The following CNGA1 variants were observed in gnomAD, a reference collection of about 807,000 sequenced individuals.
The protein encoded by CNGA1 is cyclic nucleotide-gated channel alpha-1.
Under a neutral mutation model 69.7 loss-of-function variants are expected in CNGA1, and 53 were observed. The ratio of observed to expected loss-of-function variants is 0.76; its 90% confidence interval spans 0.61 to 0.96. CNGA1 has a LOEUF of 0.96. Ranked by LOEUF, CNGA1 falls within the 40% of genes least tolerant of loss-of-function variation. CNGA1 has a pLI of 0.00. For synonymous variants in CNGA1, 249 were observed against 283.5 expected (o/e 0.88, Z 1.22); for missense variants, 739 against 811.2 (o/e 0.91, Z 1.08).
At chr4:47,994,579 CT>C (rs1240062393) in intron 2 of CNGA1, among the ~76,000 whole-genome samples, 1 of 152,048 alleles carries the variant, frequency 6.6e-6, no homozygotes, top group African/African-American at 2.4e-5. Flanking sequence ...TTAGGTGAGT[CT>C]CCTGAAGGCA....
At chr4:47,956,350 G>A (rs1479090046) in intron 3 of CNGA1, among the ~76,000 whole-genome samples, 1 of 152,232 alleles carries the variant, frequency 6.6e-6, no homozygotes, top group Non-Finnish European at 1.5e-5. Flanking sequence ...TAGGGTGACT[G>A]TTGTGCCAGG....
chr4:47,949,976 A>T, intron 5 of CNGA1, 81 bp from the exon 6 acceptor site: 1 of 1,229,200 alleles, frequency 8.1e-7, no homozygotes, highest in Non-Finnish European at 1.2e-6. Flanking sequence ...GTCTGAAAAA[A>T]CAAATTCTTC....
In CNGA1 at chr4:47,963,355, A is replaced by T. The variant is rs186168525; in HGVS notation, c.-14-10652T>A. 4.6e-5 allele frequency among the ~76,000 whole-genome samples: 7 copies of T among 152,360 alleles called. No homozygotes were observed. In the East Asian group the frequency reaches 1.3e-3, roughly 29 times the overall value. ...GAATCATAGAAACCTAGAAGCAGTT[A>T]TAATTTCAAATGTCACTTGAGCCAA... On this transcript the variant is annotated intron_variant, in intron 3 of 10. Transcript: ENST00000514170.
At chr4:47,969,842 T>G (rs577679662) in intron 3 of CNGA1, among the ~76,000 whole-genome samples, 1 of 152,346 alleles carries the variant, frequency 6.6e-6, no homozygotes, top group African/African-American at 2.4e-5. Flanking sequence ...CCATTCTTGC[T>G]TCTTGAGACA....
intron 3 of CNGA1, among the ~76,000 whole-genome samples, chr4:47,967,900 C>T (rs892604336): frequency 6.6e-6 from 1 of 152,052 alleles, no homozygotes; most frequent in Admixed American, 6.5e-5. Flanking sequence ...ATCACTTGAA[C>T]CGGGGAGGTG....
At chr4:47,956,523 G>A (rs1370599398) in intron 3 of CNGA1, among the ~76,000 whole-genome samples, 3 of 152,190 alleles carry the variant, frequency 2.0e-5, no homozygotes, top group Non-Finnish European at 4.4e-5. Flanking sequence ...TCAGCCTAGA[G>A]CCCCAGCCCT....
At position 48,012,464 on chromosome 4, in the gene CNGA1, G is replaced by A. The variant is rs188815426; in HGVS notation, c.-222-1571C>T. On this transcript the variant is annotated intron_variant, in intron 1 of 10. Coordinates refer to ENST00000514170, the MANE Select transcript of CNGA1 (RefSeq NM_001379270.1). ...CTTTCAGTTTGGCCTAACAAAAAGG[G>A]TGGTGTTATGTAAACAAAGCCCCTT... Among the ~76,000 whole-genome samples, 13 of 151,270 alleles carry A rather than the reference G, an allele frequency of 8.6e-5. No homozygotes were observed. The East Asian group carries it at 2.5e-3, about 29-fold the overall frequency.
chr4:47,989,499 T>C (rs2581497), intron 2 of CNGA1, among the ~76,000 whole-genome samples: 121,507 of 150,616 alleles, frequency 0.81, 49,310 homozygotes, highest in Non-Finnish European at 0.88. Context: ...TCAAGCCCCC[T>C]CATAAATTAC....
chr4:48,006,747 C>T (rs186026737), intron 2 of CNGA1, among the ~76,000 whole-genome samples: 27 of 152,102 alleles, frequency 1.8e-4, no homozygotes, highest in African/African-American at 6.3e-4. Flanking sequence ...TCAGCCTCCC[C>T]AGTAGTTGTG....
chr4:47,997,593 A>G (rs1714445127), intron 2 of CNGA1, among the ~76,000 whole-genome samples: 1 of 152,168 alleles, frequency 6.6e-6, no homozygotes, highest in Admixed American at 6.5e-5. Flanking sequence ...ATTATGTATT[A>G]TATATAATTT....
chr4:47,975,974 T>G (rs1427469471), intron 3 of CNGA1, among the ~76,000 whole-genome samples: 2 of 151,138 alleles, frequency 1.3e-5, no homozygotes, highest in East Asian at 3.9e-4. Flanking sequence ...ATCTTAGGGT[T>G]CCTCACCCCA....
At chr4:48,003,746 T>A (rs919219787) in intron 2 of CNGA1, among the ~76,000 whole-genome samples, 1 of 152,154 alleles carries the variant, frequency 6.6e-6, no homozygotes, top group African/African-American at 2.4e-5. Context: ...AACCTTCTGT[T>A]ATGCCCAGAC....
chr4:48,010,831 C>A lies in CNGA1; in HGVS notation c.-160G>T. The A allele has an allele frequency of 6.5e-6, 1 of 153,768 alleles. No homozygotes were observed. Among genetic ancestry groups the A allele is most frequent in the South Asian group, 1.8e-4 (1 of 5,492 alleles). The allele number at this position is 153,768 out of a possible 1,614,324, so 9.5% of individuals were successfully genotyped here. A position where few individuals can be genotyped will look rare whatever the true frequency, so the allele number is the denominator to read the frequency against. ...AGAGGGATGGAAGTCAGCAGCAGGT[C>A]TGCGATGGCAGCAAACGACAGTGGT... On this transcript the variant is annotated 5_prime_UTR_variant, in exon 2 of 11. Coordinates refer to ENST00000514170, the MANE Select transcript of CNGA1 (RefSeq NM_001379270.1).
chr4:47,955,693 C>T (rs537301615), intron 3 of CNGA1, among the ~76,000 whole-genome samples: 6 of 152,190 alleles, frequency 3.9e-5, no homozygotes, highest in African/African-American at 7.2e-5. Flanking sequence ...ACTGACTCCT[C>T]GCCCTTGACC....
chr4:47,951,375 T>C lies in CNGA1; in HGVS notation c.202A>G (p.Arg68Gly), dbSNP rs1317730341. 3 of 1,611,472 alleles carry C rather than the reference T, an allele frequency of 1.9e-6. No homozygotes were observed. Among genetic ancestry groups the C allele is most frequent in the Non-Finnish European group, 2.5e-6 (3 of 1,177,642 alleles). ...ARGSFSYKSL[R>G]KGGPSQREQY... ...CACCTCTGTGATGGTCCTCCCTTTC[T>C]GAGTGACTTATAACTAAAGGAACCC... Residue 68 changes from arginine to glycine, a missense_variant, in exon 5 of 11, where the codon AGA becomes GGA. Arg to Gly is a moderately radical substitution (Grantham distance 125). Transcript: ENST00000514170.
intron 3 of CNGA1, among the ~76,000 whole-genome samples, chr4:47,976,761 C>T (rs950454311): frequency 1.3e-5 from 2 of 152,148 alleles, no homozygotes; most frequent in African/African-American, 4.8e-5. Flanking sequence ...ATTTGTTGAG[C>T]GCTCCCTTTG....
chr4:47,968,996 C>A (rs1740874417), intron 3 of CNGA1, among the ~76,000 whole-genome samples: 1 of 152,060 alleles, frequency 6.6e-6, no homozygotes, highest in Non-Finnish European at 1.5e-5. Flanking sequence ...ATTCTTCTTT[C>A]TACATGAAGT....
chr4:48,013,020 A>G (rs939915882), intron 1 of CNGA1: 1 of 152,184 alleles, frequency 6.6e-6, no homozygotes, highest in African/African-American at 2.4e-5. Context: ...GGAAACAGAA[A>G]ATTTGTCTTT....
intron 3 of CNGA1, among the ~76,000 whole-genome samples, chr4:47,979,037 C>G (rs1431880248): frequency 6.6e-6 from 1 of 151,864 alleles, no homozygotes; most frequent in Admixed American, 6.6e-5. Context: ...AATCTTGGCA[C>G]AGGCTGGGCA....
Sources: allele counts gnomAD v4.1 joint callset (sites outside exome capture counted in the v4.1 genomes callset), GRCh38; gene constraint gnomAD v4.1.1; transcripts MANE v1.5; gene names NCBI Gene and HGNC (gene_info 2026-07-23, HGNC 2026-07-21).